Variants in CHLSN observed in about 807,000 individuals in gnomAD.
CHLSN encodes protein cholesin.
At chr7:990,819 C>T in the CHLSN span, among the ~76,000 whole-genome samples, 1,363 of 152,228 alleles carry the variant, frequency 9.0e-3, 20 homozygotes, top group African/African-American at 0.031. Context: ...TGGGGCCACG[C>T]GACGCCCCGC....
At chr7:997,894 C>T in the CHLSN span, 88 of 1,268,746 alleles carry the variant, frequency 6.9e-5, no homozygotes, top group African/African-American at 9.2e-5. Context: ...CAAGGACACC[C>T]GGGCCTCAGG....
chr7:1,000,496 G>C, the CHLSN span: 1 of 1,608,288 alleles, frequency 6.2e-7, no homozygotes, highest in Non-Finnish European at 8.5e-7. Context: ...ATGTGCAGCA[G>C]GAGCCACGTC....
the CHLSN span, among the ~76,000 whole-genome samples, chr7:1,007,383 G>A: frequency 2.0e-5 from 3 of 152,206 alleles, no homozygotes; most frequent in African/African-American, 7.2e-5. Context: ...GCTCTGTGGT[G>A]GGCCAGCCGT....
the CHLSN span, among the ~76,000 whole-genome samples, chr7:1,113,063 G>A: frequency 6.6e-6 from 1 of 152,156 alleles, no homozygotes; most frequent in African/African-American, 2.4e-5. Flanking sequence ...CCACAGTGGT[G>A]GTTACAGGAA....
the CHLSN span, among the ~76,000 whole-genome samples, chr7:982,964 G>A: frequency 1.3e-5 from 2 of 152,174 alleles, no homozygotes; most frequent in African/African-American, 4.8e-5. Context: ...CAGGAGACAT[G>A]GATGCCTGAC....
the CHLSN span, chr7:1,093,832 G>C: frequency 5.3e-6 from 2 of 380,904 alleles, no homozygotes; most frequent in Non-Finnish European, 1.1e-5. Flanking sequence ...GCTCTGTCTT[G>C]GGGGTCTGCC....
chr7:985,788 G>A, the CHLSN span, among the ~76,000 whole-genome samples: 1 of 152,214 alleles, frequency 6.6e-6, no homozygotes, highest in Admixed American at 6.5e-5. Flanking sequence ...TGGTCCTCAT[G>A]GTATTTGATG....
the CHLSN span, chr7:1,045,359 T>C: frequency 1.3e-5 from 2 of 152,428 alleles, no homozygotes; most frequent in Middle Eastern, 6.8e-3. Flanking sequence ...TCCCTGCCCA[T>C]GAAGATGTAC....
the CHLSN span, among the ~76,000 whole-genome samples, chr7:1,004,169 G>A: frequency 1.3e-5 from 2 of 152,180 alleles, no homozygotes; most frequent in African/African-American, 2.4e-5. Context: ...ACAGCCCCTC[G>A]TCGTCTGCTC....
At chr7:985,174 T>A in the CHLSN span, 1 of 1,578,588 alleles carries the variant, frequency 6.3e-7, no homozygotes. Context: ...AGGCCGGCCC[T>A]TCCCGCTGGC....
chr7:1,054,543 C>G, the CHLSN span, among the ~76,000 whole-genome samples: 1 of 152,358 alleles, frequency 6.6e-6, no homozygotes, highest in South Asian at 2.1e-4. Flanking sequence ...CCAGCAGATC[C>G]CACTCCACGT....
At chr7:1,079,311 T>C in the CHLSN span, among the ~76,000 whole-genome samples, 3 of 152,250 alleles carry the variant, frequency 2.0e-5, no homozygotes, top group South Asian at 6.2e-4. Flanking sequence ...GCTGCTCGTC[T>C]GCTGTCCACC....
the CHLSN span, among the ~76,000 whole-genome samples, chr7:1,004,471 C>G: frequency 8.3e-6 from 1 of 120,668 alleles, no homozygotes; most frequent in Non-Finnish European, 1.8e-5. Flanking sequence ...GGCCACAGCA[C>G]TGCTGGCCCA....
chr7:1,063,004 C>T, the CHLSN span, among the ~76,000 whole-genome samples: 16 of 152,172 alleles, frequency 1.1e-4, no homozygotes, highest in South Asian at 4.1e-4. Flanking sequence ...CTTACAGAAT[C>T]GCTCTGGGCC....
At chr7:1,046,116 G>A in the CHLSN span, among the ~76,000 whole-genome samples, 2 of 152,330 alleles carry the variant, frequency 1.3e-5, no homozygotes, top group Non-Finnish European at 2.9e-5. Flanking sequence ...TGCACAGATC[G>A]CTGCATGGGG....
chr7:993,124 C>T, the CHLSN span, among the ~76,000 whole-genome samples: 4 of 152,286 alleles, frequency 2.6e-5, no homozygotes, highest in East Asian at 1.9e-4. Flanking sequence ...TCAGCTTTAT[C>T]GCCTGTGAAA....
the CHLSN span, among the ~76,000 whole-genome samples, chr7:1,108,367 G>A: frequency 2.3e-3 from 203 of 87,050 alleles, 7 homozygotes; most frequent in African/African-American, 5.4e-3. Context: ...GCACCCCGGG[G>A]GGAAGCAGAG....
chr7:1,083,786 G>A, the CHLSN span, among the ~76,000 whole-genome samples: 1 of 152,208 alleles, frequency 6.6e-6, no homozygotes, highest in Non-Finnish European at 1.5e-5. Context: ...ACAGGGACAG[G>A]ACGGCGGCAC....
At chr7:998,807 T>C in the CHLSN span, among the ~76,000 whole-genome samples, 8 of 152,232 alleles carry the variant, frequency 5.3e-5, no homozygotes, top group Admixed American at 3.3e-4. Context: ...CTTGTGCTTC[T>C]AGAGTCACAT....
Sources: allele counts gnomAD v4.1 joint callset (sites outside exome capture counted in the v4.1 genomes callset), GRCh38; gene constraint gnomAD v4.1.1; transcripts MANE v1.5; gene names NCBI Gene and HGNC (gene_info 2026-07-23, HGNC 2026-07-21).